ZNF500: variants seen among roughly 807,000 people sequenced by gnomAD.
ZNF500 encodes the protein zinc finger protein with KRAB and SCAN domains 18.
Under a neutral mutation model 30.1 loss-of-function variants are expected in ZNF500, and 31 were observed. The ratio of observed to expected loss-of-function variants is 1.03; its 90% confidence interval spans 0.77 to 1.39. ZNF500 has a LOEUF of 1.39. Ranked by LOEUF, ZNF500 falls within the 40% of genes most tolerant of loss-of-function variation. ZNF500 has a pLI of 0.00. For missense variants in ZNF500, 817 were observed against 657.8 expected (o/e 1.24, Z -2.65); for synonymous variants, 392 against 282.0 (o/e 1.39, Z -3.91).
Position 4,750,106 on chromosome 16 carries a change from G to T in ZNF500, c.*2270C>A. On this transcript the variant is annotated 3_prime_UTR_variant, in exon 6 of 6. Coordinates refer to ENST00000219478, the MANE Select transcript of ZNF500 (RefSeq NM_021646.4). ...CCAGCACAGGCCTGGATATGAGAGA[G>T]GGGCCTGGGGGCTCAGGCTGCGCTG... 6.6e-6 allele frequency: 1 copy of T among 152,644 alleles called. No individual in the cohort carries two copies. The allele number at this position is 152,644 out of a possible 1,614,324, so 9.5% of individuals were successfully genotyped here. A position where few individuals can be genotyped will look rare whatever the true frequency, so the allele number is the denominator to read the frequency against.
Position 4,762,741 on chromosome 16 carries a change from A to G in ZNF500, c.430T>C (p.Ser144Pro), listed in dbSNP as rs749290038. 22 of 1,609,620 alleles carry G rather than the reference A, an allele frequency of 1.4e-5. No homozygotes were observed. In the East Asian group the frequency reaches 4.9e-4, roughly 36 times the overall value. Residue 144 changes from serine (S) to proline (P), a missense_variant, in exon 3 of 6, where the codon TCT becomes CCT. Coordinates refer to ENST00000219478, the MANE Select transcript of ZNF500 (RefSeq NM_021646.4). ...KHRQRGSELLSDDEVPLGIGG... is the reference protein window; with the variant it reads ...KHRQRGSELLPDDEVPLGIGG... The stretch of plus-strand genomic sequence containing the variant: ...ATCCCGAGGGGCACCTCGTCATCAG[A>G]AAGCAGCTCTGAGCCCTGCACACAG...
chr16:4,765,833 A>T lies in ZNF500; in HGVS notation c.146T>A (p.Phe49Tyr). ...GCAGAAGAGCCGGAAGAGCTGGCGG[A>T]AAGTCTCAGGGCTGGGGTCCTCCGT... ...VETEDPSPETFRQLFRLFCYQ... is the reference protein window; with the variant it reads ...VETEDPSPETYRQLFRLFCYQ... Residue 49 changes from phenylalanine to tyrosine, a missense_variant, in exon 2 of 6, where the codon TTC becomes TAC. Phe to Tyr is a conservative substitution (Grantham distance 22, BLOSUM62 3). Transcript: ENST00000219478. 6.2e-7 allele frequency: 1 copy of T among 1,613,650 alleles called. No individual in the cohort carries two copies. The highest frequency in any genetic ancestry group is 8.5e-7 in the Non-Finnish European group (1 of 1,179,990).
chr16:4,762,420 C>T (rs1450531623), intron 3 of ZNF500, 85 bp from the exon 4 acceptor site: 4 of 1,524,888 alleles, frequency 2.6e-6, no homozygotes, highest in East Asian at 4.5e-5. Flanking sequence ...CCCCAACAGC[C>T]CGGCGGCTGC....
At chr16:4,747,325 G>T (rs1258316413), downstream of ZNF500, 3 of 1,537,620 alleles carry the variant, frequency 2.0e-6, no homozygotes, top group Non-Finnish European at 2.6e-6. Context: ...GAGTGAATTT[G>T]GTCTCATTGT....
rs377287987 is a variant in ZNF500, at chr16:4,751,545, G to C, written c.*831C>G. 6.5e-7 allele frequency: 1 copy of C among 1,529,176 alleles called. No individual in the cohort carries two copies. Among genetic ancestry groups the C allele is most frequent in the Non-Finnish European group, 8.7e-7 (1 of 1,144,552 alleles). 94.7% of individuals were successfully genotyped at this position (1,529,176 alleles called of 1,614,324 possible). On this transcript the variant is annotated 3_prime_UTR_variant, in exon 6 of 6. Transcript: ENST00000219478. ...GCCCCGGGCTCCATTTGGAAACTCT[G>C]GCAGGATGAAGAAGCTGGAGACCAC...
At chr16:4,762,852 G>T in intron 2 of ZNF500, 96 bp from the exon 3 acceptor site, 1 of 1,468,676 alleles carries the variant, frequency 6.8e-7, no homozygotes, top group Admixed American at 2.4e-5. Flanking sequence ...CACCCCAGCC[G>T]GCTGCCCACC....
downstream of ZNF500, chr16:4,746,390 G>A: frequency 6.2e-7 from 1 of 1,612,526 alleles, no homozygotes; most frequent in Non-Finnish European, 8.5e-7. Flanking sequence ...CCTCAAGGAA[G>A]CAGGGCTCCC....
At chr16:4,755,386 C>T (rs372576611) in intron 5 of ZNF500, among the ~76,000 whole-genome samples, 24 of 152,090 alleles carry the variant, frequency 1.6e-4, no homozygotes, top group African/African-American at 2.2e-4. Flanking sequence ...GTGTGATCTC[C>T]GCTCACTGTA....
rs1204737004 is a variant in ZNF500, at chr16:4,748,995, C to T, written c.*3381G>A. 6.6e-6 allele frequency: 1 copy of T among 152,326 alleles called. No homozygotes were observed. Among genetic ancestry groups the T allele is most frequent in the Admixed American group, 6.5e-5 (1 of 15,290 alleles). The allele number at this position is 152,326 out of a possible 1,614,324, so 9.4% of individuals were successfully genotyped here. A position where few individuals can be genotyped will look rare whatever the true frequency, so the allele number is the denominator to read the frequency against. On this transcript the variant is annotated 3_prime_UTR_variant, in exon 6 of 6. Transcript: ENST00000219478. ...GCTACAGATGTCTGCTCTCTGGACC[C>T]CACGTGATCTGGCCACTGGGGACCC...
chr16:4,746,294 A>G, downstream of ZNF500: 1 of 1,429,426 alleles, frequency 7.0e-7, no homozygotes. Context: ...AGCCACGAGC[A>G]CTGTGACTGG....
chr16:4,761,856 AAAACAAAC>A (rs113304135), intron 4 of ZNF500, among the ~76,000 whole-genome samples: 168 of 150,424 alleles, frequency 1.1e-3, no homozygotes, highest in South Asian at 4.4e-3. Context: ...ACTTTGGCTC[AAAACAAAC>A]AAACAAACAA....
chr16:4,745,538 T>A (rs1297513225), downstream of ZNF500, among the ~76,000 whole-genome samples: 2 of 152,222 alleles, frequency 1.3e-5, no homozygotes, highest in African/African-American at 4.8e-5. Context: ...CCCCTCTATA[T>A]GCCTGCCCTC....
downstream of ZNF500, chr16:4,747,592 G>A: frequency 6.2e-7 from 1 of 1,610,396 alleles, no homozygotes; most frequent in South Asian, 1.1e-5. Context: ...GGGCAGCCAG[G>A]GAGGCCCTGA....
chr16:4,760,022 G>A (rs906775014), intron 5 of ZNF500, among the ~76,000 whole-genome samples: 2 of 152,170 alleles, frequency 1.3e-5, no homozygotes, highest in African/African-American at 4.8e-5. Flanking sequence ...CTGGGCAACA[G>A]AGCAAAAATC....
chr16:4,746,504 C>T (rs2082019250), downstream of ZNF500: 8 of 1,613,442 alleles, frequency 5.0e-6, no homozygotes, highest in Non-Finnish European at 6.8e-6. Flanking sequence ...ACCACCTGTC[C>T]CCAGAAAGGT....
downstream of ZNF500, chr16:4,747,603 T>G (rs1461559990): frequency 1.2e-6 from 2 of 1,609,446 alleles, no homozygotes; most frequent in Non-Finnish European, 1.7e-6. Flanking sequence ...GAGGCCCTGA[T>G]GCCTCCTCTG....
rs2082051563 is a variant in ZNF500 at position 4,748,898 on chromosome 16, CT to C, written c.*3477del. On this transcript the variant is annotated 3_prime_UTR_variant, in exon 6 of 6. Coordinates refer to ENST00000219478, the MANE Select transcript of ZNF500 (RefSeq NM_021646.4). Reference sequence around the variant, plus strand: ...GGCCACTGAGGATGGGCAGGGGTCTCTTCTCATCAAGCCTTGTACCAGGCAA... The same window carrying C: ...GGCCACTGAGGATGGGCAGGGGTCTCTCTCATCAAGCCTTGTACCAGGCAA... The C allele has an allele frequency of 6.6e-6, 1 of 152,386 alleles. No homozygotes were observed. Among genetic ancestry groups the C allele is most frequent in the Non-Finnish European group, 1.5e-5 (1 of 68,152 alleles). The allele number at this position is 152,386 out of a possible 1,614,324, so 9.4% of individuals were successfully genotyped here.
At chr16:4,745,096 G>A (rs550906051), downstream of ZNF500, 127 of 1,485,412 alleles carry the variant, frequency 8.5e-5, no homozygotes, top group South Asian at 2.3e-4. Flanking sequence ...TACCAAGGGC[G>A]GGGCACTCCA....
rs1163289963 is a variant in ZNF500, at chr16:4,767,098, C to T, written c.-180G>A. The T allele has an allele frequency of 6.6e-6, 1 of 152,352 alleles. No homozygotes were observed. Among genetic ancestry groups the T allele is most frequent in the Non-Finnish European group, 1.5e-5 (1 of 68,122 alleles). 9.4% of individuals were successfully genotyped at this position (152,352 alleles called of 1,614,324 possible). ...CGGGAGTAGGACTGCGGGCCTCAGG[C>T]TTGGCAGCCAGGGACGCCAGAGCCG... On this transcript the variant is annotated 5_prime_UTR_variant, in exon 1 of 6. Transcript: ENST00000219478.
Sources: allele counts gnomAD v4.1 joint callset (sites outside exome capture counted in the v4.1 genomes callset), GRCh38; gene constraint gnomAD v4.1.1; transcripts MANE v1.5; gene names NCBI Gene and HGNC (gene_info 2026-07-23, HGNC 2026-07-21).